Variants in GPHN observed in about 807,000 individuals in gnomAD.
GPHN encodes gephyrin.
A neutral mutation model predicts 95.5 loss-of-function variants in GPHN; 17 were observed. The observed-to-expected ratio is 0.18, with a 90% confidence interval of 0.12 to 0.27. The LOEUF (loss-of-function observed/expected upper bound fraction) is 0.27, where lower values mean the gene tolerates loss of function less well. GPHN is among the 10% of genes least tolerant of loss of function. The probability of loss-of-function intolerance (pLI) is 1.00; values close to 1 mark genes in which losing one functional copy is unlikely to be tolerated. For synonymous variants in GPHN, 320 were observed against 322.5 expected, an observed-to-expected ratio of 0.99 and a Z score of 0.08; for missense variants, 660 against 978.1, an observed-to-expected ratio of 0.67 and a Z score of 4.34.
At chr14:67,039,014 G>A (rs1313423556) in intron 10 of GPHN, among the ~76,000 whole-genome samples, 1 of 152,038 alleles carries the variant, frequency 6.6e-6, no homozygotes, top group Non-Finnish European at 1.5e-5. Flanking sequence ...CCTATCTTCA[G>A]TCTCTTGCTC....
chr14:66,959,824 C>G (rs1043729609), intron 8 of GPHN, among the ~76,000 whole-genome samples: 5 of 150,102 alleles, frequency 3.3e-5, no homozygotes, highest in African/African-American at 7.3e-5. Flanking sequence ...CTCTTTGCTT[C>G]TTTCTCTCCT....
intron 1 of GPHN, among the ~76,000 whole-genome samples, chr14:66,590,776 G>C (rs1374702765): frequency 6.6e-6 from 1 of 152,096 alleles, no homozygotes; most frequent in African/African-American, 2.4e-5. Context: ...ACAAGAGAAA[G>C]AGAAGGAATC....
the GPHN span, chr14:67,701,866 T>G: frequency 6.6e-6 from 1 of 152,134 alleles, no homozygotes; most frequent in Non-Finnish European, 1.5e-5. Flanking sequence ...CATGATCAGC[T>G]CATCGTAACC....
chr14:66,545,308 A>G (rs1191610818), intron 1 of GPHN, among the ~76,000 whole-genome samples: 62 of 108,824 alleles, frequency 5.7e-4, no homozygotes, highest in South Asian at 1.0e-3. Context: ...CCCACCTCCC[A>G]GACGGGGCGG....
chr14:67,363,837 C>T, the GPHN span, among the ~76,000 whole-genome samples: 8 of 152,248 alleles, frequency 5.3e-5, no homozygotes, highest in African/African-American at 1.9e-4. Flanking sequence ...TTACTACCTA[C>T]GTTTTGAGCA....
chr14:67,493,792 C>CT, the GPHN span, among the ~76,000 whole-genome samples: 1 of 152,134 alleles, frequency 6.6e-6, no homozygotes, highest in Admixed American at 6.5e-5. Flanking sequence ...GCATCCTTTT[C>CT]TTTTTTGTTT....
chr14:67,645,581 C>T, the GPHN span: 6 of 1,557,550 alleles, frequency 3.9e-6, no homozygotes, highest in African/African-American at 1.4e-5. Flanking sequence ...TGGCTGAGGA[C>T]GTTTGTTATC....
the GPHN span, among the ~76,000 whole-genome samples, chr14:67,623,688 C>G: frequency 6.6e-6 from 1 of 151,906 alleles, no homozygotes. Flanking sequence ...ATTACAGGTG[C>G]CTGCCACTGC....
At chr14:67,000,574 C>T (rs1266855644) in intron 9 of GPHN, among the ~76,000 whole-genome samples, 1 of 151,334 alleles carries the variant, frequency 6.6e-6, no homozygotes, top group Admixed American at 6.6e-5. Flanking sequence ...TATTTTTATG[C>T]CATTTGTATA....
chr14:66,831,508 T>A (rs114437872), intron 4 of GPHN, among the ~76,000 whole-genome samples: 204 of 152,314 alleles, frequency 1.3e-3, no homozygotes, highest in African/African-American at 4.7e-3. Flanking sequence ...CATCCTAATT[T>A]TATGAAATAG....
intron 1 of GPHN, among the ~76,000 whole-genome samples, chr14:66,590,607 GA>G (rs1210168806): frequency 6.6e-6 from 1 of 152,144 alleles, no homozygotes; most frequent in Non-Finnish European, 1.5e-5. Context: ...AAACCTGGAA[GA>G]AGTTGAATCC....
chr14:67,166,028 A>G (rs2082255999), intron 20 of GPHN, among the ~76,000 whole-genome samples: 2 of 152,190 alleles, frequency 1.3e-5, no homozygotes, highest in South Asian at 4.1e-4. Context: ...CCTTTAGAAA[A>G]TAACCTATTT....
At chr14:66,859,266 G>A (rs2062929546) in intron 4 of GPHN, among the ~76,000 whole-genome samples, 1 of 152,154 alleles carries the variant, frequency 6.6e-6, no homozygotes, top group Non-Finnish European at 1.5e-5. Flanking sequence ...ATGGCCACTG[G>A]TGTTTGTATC....
intron 11 of GPHN, among the ~76,000 whole-genome samples, chr14:67,083,571 G>A (rs2076775102): frequency 1.3e-5 from 2 of 152,146 alleles, no homozygotes; most frequent in South Asian, 4.1e-4. Flanking sequence ...TTATAGCAGT[G>A]CAAGAACAGA....
chr14:66,864,511 G>A (rs1349645856), intron 4 of GPHN, among the ~76,000 whole-genome samples: 2 of 152,140 alleles, frequency 1.3e-5, no homozygotes, highest in Non-Finnish European at 2.9e-5. Flanking sequence ...GGTGGCTCAT[G>A]CCTGTAATCC....
rs142081306 is a variant in GPHN, at chr14:66,732,555, C to T, written c.144-43909C>T. On this transcript the variant is annotated intron_variant, in intron 2 of 22. Transcript: ENST00000478722. Reference sequence around the variant, plus strand: ...TTTTTGAGATGCAGTGTTGCTCTTTCGCCCAGGCTGGAGTGCAATGGCACA... The same window carrying T: ...TTTTTGAGATGCAGTGTTGCTCTTTTGCCCAGGCTGGAGTGCAATGGCACA... 3.1e-3 allele frequency among the ~76,000 whole-genome samples: 471 copies of T among 152,310 alleles called. 1 individual carries two copies. The highest frequency in any genetic ancestry group is 0.011 in the African/African-American group (457 of 41,566).
chr14:66,817,787 T>G (rs2061036234), intron 3 of GPHN, among the ~76,000 whole-genome samples: 1 of 152,158 alleles, frequency 6.6e-6, no homozygotes, highest in Non-Finnish European at 1.5e-5. Flanking sequence ...CTTCCTGACA[T>G]GGTAGTAGAA....
chr14:67,081,751 G>A (rs1377090331), intron 11 of GPHN, among the ~76,000 whole-genome samples: 4 of 152,134 alleles, frequency 2.6e-5, no homozygotes, highest in Non-Finnish European at 5.9e-5. Flanking sequence ...TTAAGTCCTT[G>A]ATCCAACTTA....
chr14:66,887,817 A>G (rs117994820), intron 5 of GPHN, among the ~76,000 whole-genome samples: 1 of 152,240 alleles, frequency 6.6e-6, no homozygotes, highest in Admixed American at 6.5e-5. Flanking sequence ...GAATTTAAAA[A>G]TCATTGTGAT....
Sources: gnomAD v4.1 joint callset for allele counts (sites outside exome capture counted in the v4.1 genomes callset) on GRCh38, gnomAD v4.1.1 for gene constraint, MANE v1.5 for transcripts, NCBI Gene and HGNC (gene_info 2026-07-23, HGNC 2026-07-21) for gene names.